Variants in TRAF3IP2 observed in about 807,000 individuals in gnomAD.
TRAF3IP2 encodes E3 ubiquitin ligase TRAF3IP2.
In TRAF3IP2, 35 loss-of-function variants were observed where a neutral mutation model predicts 57.9. That is an observed-to-expected ratio of 0.60 (90% CI 0.46 to 0.80). The LOEUF (loss-of-function observed/expected upper bound fraction) is 0.80, where lower values mean the gene tolerates loss of function less well. Ranked by LOEUF, TRAF3IP2 falls within the 30% of genes least tolerant of loss-of-function variation. The pLI is 0.00. For synonymous variants in TRAF3IP2, 251 were observed against 268.9 expected, an observed-to-expected ratio of 0.93 and a Z score of 0.65; for missense variants, 556 against 706.4, an observed-to-expected ratio of 0.79 and a Z score of 2.41.
chr6:111,596,701 G>T (rs754208666), intron 1 of TRAF3IP2, among the ~76,000 whole-genome samples: 1 of 152,162 alleles, frequency 6.6e-6, no homozygotes, highest in Non-Finnish European at 1.5e-5. Flanking sequence ...TGATCCGCCC[G>T]CTTCGGCCTC....
chr6:111,584,654 AAAG>A (rs984459181), intron 2 of TRAF3IP2, among the ~76,000 whole-genome samples: 4 of 151,996 alleles, frequency 2.6e-5, no homozygotes, highest in African/African-American at 9.7e-5. Flanking sequence ...CAAAAAAAAA[AAAG>A]AAACAAGAAA....
intron 6 of TRAF3IP2, among the ~76,000 whole-genome samples, chr6:111,566,832 T>C (rs1171027166): frequency 6.6e-6 from 1 of 152,106 alleles, no homozygotes; most frequent in South Asian, 2.1e-4. Context: ...AAACCTCTAA[T>C]GAAAGCCCGA....
chr6:111,601,377 C>A, intron 1 of TRAF3IP2: 1 of 497,872 alleles, frequency 2.0e-6, no homozygotes, highest in Non-Finnish European at 3.7e-6. Flanking sequence ...TAACTGAATT[C>A]AAAATAAATT....
chr6:111,602,128 G>GT (rs903553483), intron 1 of TRAF3IP2: 1 of 152,238 alleles, frequency 6.6e-6, no homozygotes, highest in Non-Finnish European at 1.5e-5. Flanking sequence ...ACCCAGCACA[G>GT]TAAGACTCAC....
intron 2 of TRAF3IP2, among the ~76,000 whole-genome samples, chr6:111,586,523 C>A (rs1583235353): frequency 6.6e-6 from 1 of 152,040 alleles, no homozygotes; most frequent in Admixed American, 6.5e-5. Context: ...CTTATTTCCA[C>A]CTACTTTGAA....
intron 1 of TRAF3IP2, chr6:111,602,302 CAT>C (rs996035220): frequency 5.6e-5 from 8 of 144,034 alleles, no homozygotes; most frequent in African/African-American, 1.3e-4. Context: ...CAAACCAGCC[CAT>C]GTTTTTTTTT....
chr6:111,572,930 C>T lies in TRAF3IP2; in HGVS notation c.1255G>A (p.Val419Met). ...MDTAMEVVKF[V>M]NFLLVNGFQT... ...AAGCCATTTACCAACAAAAAGTTCACGAATTTCACCACCTCCATAGCTGTG... is the reference window on the plus strand; with the variant it reads ...AAGCCATTTACCAACAAAAAGTTCATGAATTTCACCACCTCCATAGCTGTG... Residue 419 changes from valine (V) to methionine (M), a missense_variant, in exon 5 of 9, where the codon GTG becomes ATG. Coordinates refer to ENST00000368761, the MANE Select transcript of TRAF3IP2 (RefSeq NM_147686.4). The T allele has an allele frequency of 6.2e-7, 1 of 1,614,072 alleles. No homozygotes were observed. The highest frequency in any genetic ancestry group is 8.5e-7 in the Non-Finnish European group (1 of 1,180,004).
chr6:111,580,621 G>A (rs1238251270), intron 2 of TRAF3IP2, among the ~76,000 whole-genome samples: 1 of 152,100 alleles, frequency 6.6e-6, no homozygotes, highest in Non-Finnish European at 1.5e-5. Context: ...CACCAGTTTG[G>A]TATTCCAGCT....
intron 1 of TRAF3IP2, among the ~76,000 whole-genome samples, chr6:111,599,364 C>T (rs929152281): frequency 6.6e-6 from 1 of 152,106 alleles, no homozygotes; most frequent in Non-Finnish European, 1.5e-5. Flanking sequence ...GGCCTGATAC[C>T]TTTCTCTGGG....
At position 111,557,330 on chromosome 6, in the gene TRAF3IP2, A is replaced by C. The variant is rs559627154; in HGVS notation, c.*2075T>G. The C allele has an allele frequency of 6.6e-6, 1 of 151,874 alleles. No homozygotes were observed. Among genetic ancestry groups the C allele is most frequent in the African/African-American group, 2.4e-5 (1 of 41,432 alleles). 9.4% of individuals were successfully genotyped at this position (151,874 alleles called of 1,614,324 possible). On this transcript the variant is annotated 3_prime_UTR_variant, in exon 9 of 9. Coordinates refer to ENST00000368761, the MANE Select transcript of TRAF3IP2 (RefSeq NM_147686.4). ...ACATGTATACATATTTTATATATGG[A>C]TATGTGTATGTGTTCTTTTTCTGGA...
intron 1 of TRAF3IP2, among the ~76,000 whole-genome samples, chr6:111,603,617 TGAATGCCTGTTGAA>T (rs1390676749): frequency 6.6e-6 from 1 of 152,270 alleles, no homozygotes; most frequent in Non-Finnish European, 1.5e-5. Flanking sequence ...ATAATCTTTC[TGAATGCCTGTTGAA>T]GAATGCCTGC....
intron 2 of TRAF3IP2, among the ~76,000 whole-genome samples, chr6:111,589,256 G>A (rs771476608): frequency 1.5e-4 from 23 of 152,028 alleles, no homozygotes; most frequent in Non-Finnish European, 3.2e-4. Flanking sequence ...CAGAGACAGT[G>A]TTTCACCATG....
rs73764003 is a variant in TRAF3IP2, at chr6:111,574,337, G to T, written c.1201+1306C>A. Among the ~76,000 whole-genome samples, 240 of 152,292 alleles carry T rather than the reference G, an allele frequency of 1.6e-3. 2 individuals carry two copies. The highest frequency in any genetic ancestry group is 5.2e-3 in the African/African-American group (214 of 41,540). Reference sequence around the variant, plus strand: ...TCCCAGATTTGGAAAATGCATATTAGAATTACCTGAGCTTCTCTAGCAAGC... The same window carrying T: ...TCCCAGATTTGGAAAATGCATATTATAATTACCTGAGCTTCTCTAGCAAGC... On this transcript the variant is annotated intron_variant, in intron 4 of 8. Coordinates refer to ENST00000368761, the MANE Select transcript of TRAF3IP2 (RefSeq NM_147686.4).
chr6:111,567,699 A>T lies in TRAF3IP2; in HGVS notation c.1291-7T>A. 2.5e-6 allele frequency: 4 copies of T among 1,602,794 alleles called. No individual in the cohort carries two copies. Among genetic ancestry groups the T allele is most frequent in the Non-Finnish European group, 3.4e-6 (4 of 1,176,248 alleles). On this transcript the variant is annotated splice_region_variant and splice_polypyrimidine_tract_variant and intron_variant, in intron 5 of 8. Transcript: ENST00000368761. The stretch of plus-strand genomic sequence containing the variant: ...TATCCTCAAATATGTCAATCTGCAA[A>T]AAAAAAGATGTGGGAGTTGGCCCTT...
intron 5 of TRAF3IP2, among the ~76,000 whole-genome samples, chr6:111,571,992 T>C (rs553687666): frequency 1.3e-3 from 201 of 152,246 alleles, no homozygotes; most frequent in African/African-American, 4.6e-3. Flanking sequence ...CTAAATAACT[T>C]TTAAAATTGA....
intron 2 of TRAF3IP2, among the ~76,000 whole-genome samples, chr6:111,590,098 T>G (rs917717286): frequency 1.3e-5 from 2 of 151,998 alleles, no homozygotes; most frequent in African/African-American, 4.8e-5. Context: ...AAAAAAAAAA[T>G]GGTGATAGAA....
At chr6:111,583,641 C>T (rs1796233015) in intron 2 of TRAF3IP2, among the ~76,000 whole-genome samples, 1 of 152,176 alleles carries the variant, frequency 6.6e-6, no homozygotes, top group African/African-American at 2.4e-5. Flanking sequence ...TCAGGGCTCC[C>T]ACTGATTCTA....
intron 1 of TRAF3IP2, chr6:111,601,170 A>C: frequency 1.3e-6 from 1 of 776,044 alleles, no homozygotes; most frequent in South Asian, 1.3e-5. Context: ...GAGATTCTGT[A>C]ATAAATATGC....
rs761059712 is a variant in TRAF3IP2, at chr6:111,562,968, C to T, written c.1548G>A (p.Lys516=). The change falls in exon 8 of 9, where the codon AAG becomes AAA. Residue 516 remains lysine (K), a synonymous_variant. Coordinates refer to ENST00000368761, the MANE Select transcript of TRAF3IP2 (RefSeq NM_147686.4). ...RFIPVLFPNA[K]KEHVPTWLQN... is the part of the protein sequence containing the mutation. ...TTTTGTTTCTTTGTTTGTTTACCTTCTTAGCATTTGGGAAGAGCACAGGGA... is the reference window on the plus strand; with the variant it reads ...TTTTGTTTCTTTGTTTGTTTACCTTTTTAGCATTTGGGAAGAGCACAGGGA... The T allele has an allele frequency of 5.0e-6, 8 of 1,610,210 alleles. 1 individual carries two copies. In the South Asian group the frequency reaches 8.8e-5, roughly 18 times the overall value.
Sources: allele counts gnomAD v4.1 joint callset (sites outside exome capture counted in the v4.1 genomes callset), GRCh38; gene constraint gnomAD v4.1.1; transcripts MANE v1.5; gene names NCBI Gene and HGNC (gene_info 2026-07-23, HGNC 2026-07-21).